TBC1D22A: variants seen among roughly 807,000 people sequenced by gnomAD.
TBC1D22A encodes the protein TBC1 domain family member 22A.
Under a neutral mutation model 60.2 loss-of-function variants are expected in TBC1D22A, and 38 were observed. That is an observed-to-expected ratio of 0.63 (90% CI 0.49 to 0.83). TBC1D22A has a LOEUF of 0.83. Among genes scored for constraint, TBC1D22A ranks in the 40% least tolerant of loss-of-function variants. TBC1D22A has a pLI of 0.00. For missense variants in TBC1D22A, 628 were observed against 701.0 expected, an observed-to-expected ratio of 0.90 and a Z score of 1.18; for synonymous variants, 302 against 281.7, an observed-to-expected ratio of 1.07 and a Z score of -0.72.
intron 4 of TBC1D22A, among the ~76,000 whole-genome samples, chr22:46,845,191 T>C (rs960668097): frequency 3.3e-5 from 5 of 152,228 alleles, no homozygotes; most frequent in African/African-American, 7.2e-5. Context: ...TAATCAATTG[T>C]TTTAGGATAA....
At chr22:47,080,989 G>A (rs763362764) in intron 11 of TBC1D22A, among the ~76,000 whole-genome samples, 12 of 151,998 alleles carry the variant, frequency 7.9e-5, no homozygotes, top group Non-Finnish European at 1.3e-4. Context: ...GCGTGATGGC[G>A]CATGCCTGTA....
At chr22:46,941,260 A>T (rs1360308088) in intron 8 of TBC1D22A, among the ~76,000 whole-genome samples, 1 of 106,938 alleles carries the variant, frequency 9.4e-6, no homozygotes, top group African/African-American at 3.5e-5. Context: ...ACAGCATGGA[A>T]GCTGGGGCAC....
intron 4 of TBC1D22A, among the ~76,000 whole-genome samples, chr22:46,846,770 GTA>G (rs1159839611): frequency 6.6e-6 from 1 of 151,806 alleles, no homozygotes. Context: ...GATTCGGCGG[GTA>G]TCAAGATATG....
At chr22:47,091,921 G>T (rs1042269261) in intron 11 of TBC1D22A, among the ~76,000 whole-genome samples, 1 of 152,212 alleles carries the variant, frequency 6.6e-6, no homozygotes. Flanking sequence ...GTGATATGGT[G>T]ATATGCACTC....
intron 8 of TBC1D22A, among the ~76,000 whole-genome samples, chr22:46,959,277 A>C (rs1339499700): frequency 6.6e-6 from 1 of 152,214 alleles, no homozygotes; most frequent in Non-Finnish European, 1.5e-5. Flanking sequence ...AGGGTGGCAC[A>C]AGAGAAGGAC....
intron 11 of TBC1D22A, among the ~76,000 whole-genome samples, chr22:47,088,214 G>A (rs2147600892): frequency 6.6e-6 from 1 of 152,254 alleles, no homozygotes; most frequent in South Asian, 2.1e-4. Flanking sequence ...CAACCCCAGT[G>A]GAAATGAGCA....
rs60138683 is a variant in TBC1D22A at position 47,048,311 on chromosome 22, G to A, written c.1329+11113G>A. 1.9e-3 allele frequency among the ~76,000 whole-genome samples: 282 copies of A among 152,298 alleles called. 2 individuals are homozygous for A. The highest frequency in any genetic ancestry group is 6.4e-3 in the African/African-American group (265 of 41,540). ...TCAGCCCAAGCCCAGGGTCACCCAT[G>A]GTTGCTGTCAGGTAGGGAAAGGGTG... On this transcript the variant is annotated intron_variant, in intron 11 of 12. Coordinates refer to ENST00000337137, the MANE Select transcript of TBC1D22A (RefSeq NM_014346.5).
chr22:47,006,269 C>T (rs1442160858), intron 10 of TBC1D22A, among the ~76,000 whole-genome samples: 1 of 152,224 alleles, frequency 6.6e-6, no homozygotes, highest in Non-Finnish European at 1.5e-5. Context: ...AAACTTTTCT[C>T]ATTTGACTTT....
intron 12 of TBC1D22A, among the ~76,000 whole-genome samples, chr22:47,157,462 T>A (rs183294043): frequency 3.6e-4 from 55 of 152,356 alleles, no homozygotes; most frequent in African/African-American, 1.3e-3. Flanking sequence ...GAACTGAAGC[T>A]GTGGCTGGGG....
At chr22:46,966,454 G>A (rs62232723) in intron 8 of TBC1D22A, among the ~76,000 whole-genome samples, 8,794 of 152,208 alleles carry the variant, frequency 0.058, 376 homozygotes, top group Non-Finnish European at 0.091. Context: ...TTTTCTCCCC[G>A]TCCCACAGTT....
intron 9 of TBC1D22A, among the ~76,000 whole-genome samples, chr22:46,976,168 C>G (rs1269086179): frequency 3.3e-5 from 5 of 152,228 alleles, no homozygotes; most frequent in Non-Finnish European, 7.3e-5. Context: ...TATCTGCCCT[C>G]TATTTGTAAA....
chr22:46,814,366 G>T (rs1482625214), intron 4 of TBC1D22A, among the ~76,000 whole-genome samples: 1 of 152,156 alleles, frequency 6.6e-6, no homozygotes, highest in Non-Finnish European at 1.5e-5. Context: ...TAAGAAACAT[G>T]CCTGACATTC....
At chr22:47,090,421 C>G (rs2064875476) in intron 11 of TBC1D22A, among the ~76,000 whole-genome samples, 1 of 152,254 alleles carries the variant, frequency 6.6e-6, no homozygotes, top group Non-Finnish European at 1.5e-5. Flanking sequence ...TACTGCCACT[C>G]TGCCCCGTGT....
At chr22:46,888,955 C>T (rs982034705) in intron 5 of TBC1D22A, among the ~76,000 whole-genome samples, 31 of 152,180 alleles carry the variant, frequency 2.0e-4, no homozygotes, top group African/African-American at 4.1e-4. Context: ...CTGCCTGCCT[C>T]GGCCTCCCAA....
rs1430031269 is a variant in TBC1D22A at position 47,159,500 on chromosome 22, C to T, written c.1426-13998C>T. 2.6e-5 allele frequency among the ~76,000 whole-genome samples: 4 copies of T among 151,778 alleles called. No homozygotes were observed. In the South Asian group the frequency reaches 6.2e-4, roughly 24 times the overall value. ...TGTAAACACACAGACAACACATACA[C>T]GACATGCATACTCACCATGTTTACA... On this transcript the variant is annotated intron_variant, in intron 12 of 12. Coordinates refer to ENST00000337137, the MANE Select transcript of TBC1D22A (RefSeq NM_014346.5).
chr22:46,929,967 C>G (rs2071262980), intron 8 of TBC1D22A, among the ~76,000 whole-genome samples: 1 of 152,072 alleles, frequency 6.6e-6, no homozygotes, highest in African/African-American at 2.4e-5. Context: ...TCAGTTTGGG[C>G]CATTTTATGG....
In TBC1D22A at chr22:46,878,646, T is replaced by C. The variant is rs1229762727; in HGVS notation, c.638-7T>C. 3.1e-6 allele frequency: 5 copies of C among 1,612,996 alleles called. No individual in the cohort carries two copies. Among genetic ancestry groups the C allele is most frequent in the Non-Finnish European group, 3.4e-6 (4 of 1,179,722 alleles). The stretch of plus-strand genomic sequence containing the variant: ...TTGTTTTTCCTTGTCTCTTTTTTCA[T>C]CAACAGAGGAATTACGGAGGTTGAG... On this transcript the variant is annotated splice_polypyrimidine_tract_variant and splice_region_variant and intron_variant, in intron 4 of 12. Transcript: ENST00000337137.
At chr22:47,153,506 G>A (rs1033002876) in intron 12 of TBC1D22A, among the ~76,000 whole-genome samples, 1 of 152,090 alleles carries the variant, frequency 6.6e-6, no homozygotes, top group African/African-American at 2.4e-5. Context: ...GTGAGAGAAG[G>A]GGGCCCGGTC....
At chr22:46,884,500 G>T (rs748215758) in intron 5 of TBC1D22A, among the ~76,000 whole-genome samples, 1 of 152,216 alleles carries the variant, frequency 6.6e-6, no homozygotes. Context: ...GGGAGGTGGA[G>T]ACCGAGAGAG....
Sources: allele counts gnomAD v4.1 joint callset (sites outside exome capture counted in the v4.1 genomes callset), GRCh38; gene constraint gnomAD v4.1.1; transcripts MANE v1.5; gene names NCBI Gene and HGNC (gene_info 2026-07-23, HGNC 2026-07-21).